HEG1: variants seen among roughly 807,000 people sequenced by gnomAD.
The protein encoded by HEG1 is heart development protein with EGF like domains 1.
In HEG1, 56 loss-of-function variants were observed where a neutral mutation model predicts 125.6. That is an observed-to-expected ratio of 0.45 (90% CI 0.36 to 0.56). The LOEUF is 0.56. HEG1 is among the 20% of genes least tolerant of loss of function. HEG1 has a pLI of 0.00. For synonymous variants in HEG1, 644 were observed against 668.5 expected (o/e 0.96, Z 0.57); for missense variants, 1,523 against 1,670.0 (o/e 0.91, Z 1.53).
At chr3:125,044,562 T>C (rs1283050721) in intron 1 of HEG1, among the ~76,000 whole-genome samples, 2 of 152,212 alleles carry the variant, frequency 1.3e-5, no homozygotes, top group Non-Finnish European at 2.9e-5. Context: ...CTCCCGTTAT[T>C]ATCCCTACTT....
chr3:124,981,426 G>A (rs1420400770), intron 14 of HEG1, among the ~76,000 whole-genome samples: 1 of 152,112 alleles, frequency 6.6e-6, no homozygotes, highest in African/African-American at 2.4e-5. Context: ...TCCAGTAACA[G>A]TTCACACGGC....
chr3:124,973,337 C>A (rs1936479504), intron 16 of HEG1, among the ~76,000 whole-genome samples: 1 of 152,090 alleles, frequency 6.6e-6, no homozygotes, highest in South Asian at 2.1e-4. Flanking sequence ...GCCCAGCCAC[C>A]AATCCTCTAG....
chr3:125,030,484 C>T (rs577929730), intron 1 of HEG1, among the ~76,000 whole-genome samples: 1 of 152,270 alleles, frequency 6.6e-6, no homozygotes, highest in South Asian at 2.1e-4. Context: ...AAATCAGTTA[C>T]AGTAGACAGT....
intron 12 of HEG1, among the ~76,000 whole-genome samples, chr3:124,991,775 C>T (rs190078571): frequency 6.6e-6 from 1 of 152,294 alleles, no homozygotes; most frequent in East Asian, 1.9e-4. Context: ...CAAAGCCTGG[C>T]TAATTTTTGT....
intron 14 of HEG1, among the ~76,000 whole-genome samples, chr3:124,979,108 C>A (rs1315775281): frequency 6.6e-6 from 1 of 151,994 alleles, no homozygotes; most frequent in Non-Finnish European, 1.5e-5. Context: ...TGCCACCATG[C>A]CCTGCTAATT....
intron 14 of HEG1, among the ~76,000 whole-genome samples, chr3:124,990,042 T>TCTAAGTTGCTCCCTCTGC (rs1321787941): frequency 6.6e-6 from 1 of 152,120 alleles, no homozygotes; most frequent in African/African-American, 2.4e-5. Context: ...AAGACCTTTG[T>TCTAAGTTGCTCCCTCTGC]CTAAGTTGCT....
At chr3:125,017,019 A>G (rs1937260040) in intron 5 of HEG1, among the ~76,000 whole-genome samples, 1 of 152,048 alleles carries the variant, frequency 6.6e-6, no homozygotes, top group Admixed American at 6.6e-5. Context: ...TCTGCAAATT[A>G]TATATTTGAT....
chr3:125,025,666 A>C (rs918991714), intron 3 of HEG1, among the ~76,000 whole-genome samples: 10 of 152,242 alleles, frequency 6.6e-5, no homozygotes, highest in African/African-American at 2.4e-4. Flanking sequence ...GTTGAATTTA[A>C]ATTATAAATA....
At chr3:125,026,238 T>C (rs1449577439) in intron 3 of HEG1, among the ~76,000 whole-genome samples, 2 of 152,216 alleles carry the variant, frequency 1.3e-5, no homozygotes, top group African/African-American at 2.4e-5. Context: ...TGAGGGTATC[T>C]GGGCACATGC....
At chr3:125,018,645 G>A (rs762752178) in intron 5 of HEG1, among the ~76,000 whole-genome samples, 4 of 152,176 alleles carry the variant, frequency 2.6e-5, no homozygotes, top group Non-Finnish European at 5.9e-5. Context: ...ACTGAGGCAG[G>A]TATGGAGTTA....
intron 1 of HEG1, among the ~76,000 whole-genome samples, chr3:125,034,255 T>C (rs549562081): frequency 2.5e-4 from 13 of 51,748 alleles, no homozygotes; most frequent in African/African-American, 7.1e-4. Flanking sequence ...GTAATTCTAG[T>C]AGTTGAAGTC....
intron 1 of HEG1, among the ~76,000 whole-genome samples, chr3:125,052,852 G>A (rs939975888): frequency 7.3e-4 from 111 of 152,186 alleles, no homozygotes; most frequent in African/African-American, 2.6e-3. Context: ...CCACATAATG[G>A]AATGCAAACG....
At chr3:124,988,022 T>C (rs1206017631) in intron 14 of HEG1, among the ~76,000 whole-genome samples, 2 of 149,554 alleles carry the variant, frequency 1.3e-5, no homozygotes, top group Non-Finnish European at 3.0e-5. Flanking sequence ...GACTCAAATA[T>C]CTTAAATTTC....
At chr3:125,045,017 A>G (rs1416539896) in intron 1 of HEG1, among the ~76,000 whole-genome samples, 1 of 152,224 alleles carries the variant, frequency 6.6e-6, no homozygotes, top group Non-Finnish European at 1.5e-5. Flanking sequence ...TGTAAGTAAG[A>G]AAAGGTGGCA....
rs370630531 is a variant in HEG1 at position 124,997,675 on chromosome 3, G to A, written c.3652+14C>T. Reference sequence around the variant, plus strand: ...CAGGACTGGGCACAGAACCCCAGGCGAAGCTGTGGCTACCTCGGCAGGAGT... The same window carrying A: ...CAGGACTGGGCACAGAACCCCAGGCAAAGCTGTGGCTACCTCGGCAGGAGT... On this transcript the variant is annotated intron_variant, in intron 12 of 16. Transcript: ENST00000311127. The A allele has an allele frequency of 3.5e-5, 55 of 1,559,002 alleles. No individual in the cohort carries two copies. The highest frequency in any genetic ancestry group is 1.7e-4 in the Middle Eastern group (1 of 5,896).
chr3:124,996,597 C>T (rs1476579834), intron 12 of HEG1, among the ~76,000 whole-genome samples: 2 of 152,214 alleles, frequency 1.3e-5, no homozygotes, highest in Non-Finnish European at 2.9e-5. Flanking sequence ...GCTGATGATG[C>T]GCACTTGAGA....
At chr3:125,054,877 A>G (rs1353383860) in intron 1 of HEG1, among the ~76,000 whole-genome samples, 1 of 152,224 alleles carries the variant, frequency 6.6e-6, no homozygotes, top group Non-Finnish European at 1.5e-5. Context: ...AGATCATAAG[A>G]AAGAACTGGA....
At chr3:125,042,276 A>G (rs1937599586) in intron 1 of HEG1, among the ~76,000 whole-genome samples, 1 of 152,148 alleles carries the variant, frequency 6.6e-6, no homozygotes, top group Non-Finnish European at 1.5e-5. Flanking sequence ...AAAACTACAA[A>G]AATTAGCCAG....
intron 1 of HEG1, among the ~76,000 whole-genome samples, chr3:125,043,474 T>C (rs62265660): frequency 0.015 from 2,333 of 152,174 alleles, 23 homozygotes; most frequent in Middle Eastern, 0.037. Flanking sequence ...GGTCAGAAGA[T>C]TCCCAGTTGG....
Sources: allele counts gnomAD v4.1 joint callset (sites outside exome capture counted in the v4.1 genomes callset), GRCh38; gene constraint gnomAD v4.1.1; transcripts MANE v1.5; gene names NCBI Gene and HGNC (gene_info 2026-07-23, HGNC 2026-07-21).